Variants in NEB observed in about 807,000 individuals in gnomAD.
NEB encodes the protein nemaline myopathy type 2.
A neutral mutation model predicts 952.2 loss-of-function variants in NEB; 512 were observed. The observed-to-expected ratio is 0.54, with a 90% CI of 0.50 to 0.58. The LOEUF is 0.58. Among genes scored for constraint, NEB ranks in the 20% least tolerant of loss-of-function variants. NEB has a pLI of 0.00. For synonymous variants in NEB, 2,900 were observed against 3,149.8 expected, an observed-to-expected ratio of 0.92 and a Z score of 2.66; for missense variants, 8,428 against 9,231.1, an observed-to-expected ratio of 0.91 and a Z score of 3.56.
At chr2:151,661,966 A>T (rs887898062) in intron 46 of NEB, among the ~76,000 whole-genome samples, 169 bp downstream of exon 46, 1 of 152,174 alleles carries the variant, frequency 6.6e-6, no homozygotes, top group Non-Finnish European at 1.5e-5. Flanking sequence ...ACTACTAGTT[A>T]GAAATAATTC....
intron 29 of NEB, among the ~76,000 whole-genome samples, chr2:151,681,264 G>A (rs1267589376): frequency 6.6e-6 from 1 of 152,208 alleles, no homozygotes; most frequent in Non-Finnish European, 1.5e-5. Context: ...AAGCTGTCCG[G>A]TTGAGGAAGG....
rs375830667 is a variant in NEB at position 151,627,661 on chromosome 2, C to T, written c.10005G>A (p.Met3335Ile). ...ACTTCTTGGCTAACACCACTCCCAG[C>T]ATGTCCACTGGGCTGCTGAACTTGG... The part of the protein sequence containing the change: ...WKTKFSSPVD[M>I]LGVVLAKKCQ... The change falls in exon 69 of 182, where the codon ATG becomes ATA. Residue 3335 changes from methionine to isoleucine, a missense_variant. Transcript: ENST00000397345. 31 of 1,613,882 alleles carry T rather than the reference C, an allele frequency of 1.9e-5. No individual in the cohort carries two copies. The highest frequency in any genetic ancestry group is 1.7e-4 in the Admixed American group (10 of 60,006).
Position 151,514,348 on chromosome 2 carries a change from T to G in NEB, c.23097A>C (p.Arg7699Ser). Residue 7699 changes from arginine (R) to serine (S), a missense_variant, in exon 159 of 182, where the codon AGA (arginine) becomes AGC (serine). Physicochemically the swap from Arg to Ser is moderately radical, Grantham distance 110. Transcript: ENST00000397345. ...TEMEDTPDMLRAKNATQILNE... is the reference protein window; with the variant it reads ...TEMEDTPDMLSAKNATQILNE... ...TGAGGATTTGAGTGGCATTCTTTGC[T>G]CTTAGCATGTCAGGTGTATCTTCCA... is the stretch of plus-strand genomic sequence containing the variant. 6.2e-7 allele frequency: 1 copy of G among 1,613,714 alleles called. No homozygotes were observed. Among genetic ancestry groups the G allele is most frequent in the Non-Finnish European group, 8.5e-7 (1 of 1,179,622 alleles).
intron 52 of NEB, 56 bp from the exon 53 acceptor site, chr2:151,650,941 C>A: frequency 6.8e-7 from 1 of 1,467,142 alleles, no homozygotes; most frequent in Non-Finnish European, 9.2e-7. Flanking sequence ...TTAAGCTCAA[C>A]TTGCTTTTTT....
chr2:151,706,020 G>A (rs957492346), intron 13 of NEB, among the ~76,000 whole-genome samples: 3 of 152,172 alleles, frequency 2.0e-5, no homozygotes, highest in Non-Finnish European at 4.4e-5. Flanking sequence ...CAACACTAAA[G>A]AACTTTTCCA....
In NEB at chr2:151,658,047, T is replaced by C. The variant is rs756926807; in HGVS notation, c.6119A>G (p.Tyr2040Cys). The change falls in exon 48 of 182, where the codon TAT becomes TGT. Residue 2040 changes from tyrosine (Y) to cysteine (C), a missense_variant. Tyr to Cys is a radical substitution (Grantham distance 194). Transcript: ENST00000397345. ...AGGAATTGCATCAGGTCTGAGATCATAGCCTTTCTTTTTAGACTCTTCCAA... is the reference window on the plus strand; with the variant it reads ...AGGAATTGCATCAGGTCTGAGATCACAGCCTTTCTTTTTAGACTCTTCCAA... ...LSLEESKKKG[Y>C]DLRPDAIPIK... 5.8e-5 allele frequency: 93 copies of C among 1,610,558 alleles called. No homozygotes were observed. The highest frequency in any genetic ancestry group is 4.9e-4 in the Middle Eastern group (3 of 6,076).
At position 151,555,042 on chromosome 2, in the gene NEB, G is replaced by T. The variant is rs754491465; in HGVS notation, c.19317C>A (p.Ile6439=). ...ACTTTTCATATTCTTCCCGATATTT[G>T]ATCTATAGAGAATAAGTAGAAAGGA... is the stretch of plus-strand genomic sequence containing the variant. The part of the protein sequence containing the change: ...AKNQKHLASH[I]KYREEYEKFK... The change falls in exon 125 of 182, where the codon ATC becomes ATA. Residue 6439 remains isoleucine (I), a splice_region_variant and synonymous_variant. Coordinates refer to ENST00000397345, the MANE Select transcript of NEB (RefSeq NM_001164508.2). The T allele has an allele frequency of 6.4e-7, 1 of 1,567,218 alleles. No homozygotes were observed. The highest frequency in any genetic ancestry group is 8.8e-7 in the Non-Finnish European group (1 of 1,137,526).
intron 116 of NEB, 78 bp downstream of exon 116, chr2:151,565,422 TA>T: frequency 9.7e-7 from 1 of 1,031,650 alleles, no homozygotes; most frequent in Non-Finnish European, 1.5e-6. Context: ...AGCAATTATC[TA>T]AAGTTAAGCT....
chr2:151,616,569 C>T (rs1490197923), intron 75 of NEB, among the ~76,000 whole-genome samples: 2 of 152,084 alleles, frequency 1.3e-5, no homozygotes, highest in Non-Finnish European at 2.9e-5. Flanking sequence ...TAGCATGCAC[C>T]TGCAATCCCA....
intron 71 of NEB, 117 bp from the exon 72 acceptor site, chr2:151,621,143 A>C: frequency 1.5e-6 from 1 of 665,666 alleles, no homozygotes; most frequent in Non-Finnish European, 2.6e-6. Flanking sequence ...TTCAGCCTTA[A>C]ATCAGAAAAA....
At chr2:151,727,636 G>A (rs2150913752) in intron 5 of NEB, 55 bp downstream of exon 5, 2 of 1,518,828 alleles carry the variant, frequency 1.3e-6, no homozygotes, top group East Asian at 2.3e-5. Flanking sequence ...AGTGAGTTGA[G>A]ATAAGTAATT....
At chr2:151,652,010 A>G (rs1446235784) in intron 52 of NEB, among the ~76,000 whole-genome samples, 1 of 152,192 alleles carries the variant, frequency 6.6e-6, no homozygotes, top group African/African-American at 2.4e-5. Context: ...CAGAAGATTG[A>G]AGAATTTATA....
chr2:151,713,348 A>G (rs1256887392), intron 10 of NEB, among the ~76,000 whole-genome samples: 2 of 152,206 alleles, frequency 1.3e-5, no homozygotes, highest in Non-Finnish European at 2.9e-5. Flanking sequence ...AAAGGTATAA[A>G]GAACCCAGCT....
chr2:151,677,812 G>C (rs2099383711), intron 33 of NEB, 41 bp from the exon 34 acceptor site: 1 of 1,610,872 alleles, frequency 6.2e-7, no homozygotes, highest in Non-Finnish European at 8.5e-7. Flanking sequence ...CCTAGGACAG[G>C]GTTCTTTTCA....
intron 4 of NEB, among the ~76,000 whole-genome samples, chr2:151,728,568 G>A (rs2099797487): frequency 6.6e-6 from 1 of 151,970 alleles, no homozygotes; most frequent in Non-Finnish European, 1.5e-5. Flanking sequence ...AACATAATGG[G>A]GTAATTATCC....
intron 28 of NEB, among the ~76,000 whole-genome samples, chr2:151,683,383 T>C (rs765169142): frequency 1.3e-5 from 2 of 152,198 alleles, no homozygotes; most frequent in Non-Finnish European, 1.5e-5. Flanking sequence ...CTTGACGCTA[T>C]TAAAATGCTA....
chr2:151,733,325 C>T lies in NEB; in HGVS notation c.-29-140G>A, dbSNP rs900551703. ...TTGTTGCAGGCTAAAGGAGAGAAGACATTTAAAATACAAGTATAAACAGCA... is the reference window on the plus strand; with the variant it reads ...TTGTTGCAGGCTAAAGGAGAGAAGATATTTAAAATACAAGTATAAACAGCA... On this transcript the variant is annotated intron_variant, in intron 2 of 181. Coordinates refer to ENST00000397345, the MANE Select transcript of NEB (RefSeq NM_001164508.2). 9.8e-6 allele frequency: 6 copies of T among 615,198 alleles called. No homozygotes were observed. In the Admixed American group the frequency reaches 1.6e-4, roughly 16 times the overall value. 38.1% of individuals were successfully genotyped at this position (615,198 alleles called of 1,614,324 possible). A position where few individuals can be genotyped will look rare whatever the true frequency, so the allele number is the denominator to read the frequency against.
chr2:151,505,343 C>T (rs771556035), intron 165 of NEB, 135 bp downstream of exon 165: 16 of 767,182 alleles, frequency 2.1e-5, no homozygotes, highest in Non-Finnish European at 3.5e-5. Flanking sequence ...GTGACCCCAT[C>T]AAGACTAAGG....
chr2:151,696,805 C>A, intron 16 of NEB, 70 bp from the exon 17 acceptor site: 1 of 1,072,718 alleles, frequency 9.3e-7, no homozygotes. Flanking sequence ...ACAGGCCAAG[C>A]AAATAGAACC....
Sources: allele counts gnomAD v4.1 joint callset (sites outside exome capture counted in the v4.1 genomes callset), GRCh38; gene constraint gnomAD v4.1.1; transcripts MANE v1.5; gene names NCBI Gene and HGNC (gene_info 2026-07-23, HGNC 2026-07-21).